The following ST18 variants were observed in gnomAD, a reference collection of about 807,000 sequenced individuals.
ST18 encodes ST18 C2H2C-type zinc finger transcription factor.
A neutral mutation model predicts 110.0 loss-of-function variants in ST18; 50 were observed. That is an observed-to-expected ratio of 0.45 (90% confidence interval 0.36 to 0.58). The LOEUF is 0.58. Ranked by LOEUF, ST18 falls within the 20% of genes least tolerant of loss-of-function variation. ST18 has a pLI of 0.00. For missense variants in ST18, 1,306 were observed against 1,280.1 expected (o/e 1.02, Z -0.31); for synonymous variants, 461 against 452.4 (o/e 1.02, Z -0.24).
At chr8:52,223,519 C>A (rs2087816209) in intron 3 of ST18, among the ~76,000 whole-genome samples, 1 of 151,984 alleles carries the variant, frequency 6.6e-6, no homozygotes, top group South Asian at 2.1e-4. Context: ...TGGTATGTGC[C>A]TGTAATCCCA....
At position 52,385,374 on chromosome 8, in the gene ST18, C is replaced by T. The variant is rs6987412; in HGVS notation, c.-465+23954G>A. On this transcript the variant is annotated intron_variant, in intron 2 of 25. Coordinates refer to ENST00000689386, the MANE Select transcript of ST18 (RefSeq NM_001352837.2). ...CAGCACTTTGGGAGGCCAAGGCAGGCGGATCACCTGAGGTCAGAAGTTCAA... is the reference window on the plus strand; with the variant it reads ...CAGCACTTTGGGAGGCCAAGGCAGGTGGATCACCTGAGGTCAGAAGTTCAA... Among the ~76,000 whole-genome samples, 1,158 of 152,186 alleles carry T rather than the reference C, an allele frequency of 7.6e-3. 16 individuals carry two copies. Among genetic ancestry groups the T allele is most frequent in the African/African-American group, 0.026 (1,092 of 41,542 alleles).
intron 2 of ST18, among the ~76,000 whole-genome samples, chr8:52,400,934 T>C (rs1842656317): frequency 6.6e-6 from 1 of 152,120 alleles, no homozygotes; most frequent in Non-Finnish European, 1.5e-5. Flanking sequence ...TTGTCATATG[T>C]TTTCATGATA....
At chr8:52,335,792 G>A (rs1811747209) in intron 2 of ST18, among the ~76,000 whole-genome samples, 1 of 152,022 alleles carries the variant, frequency 6.6e-6, no homozygotes. Context: ...CTCCTGATTG[G>A]ATATCCTCTC....
At chr8:52,194,571 T>C (rs1466276692) in intron 8 of ST18, 4 of 152,218 alleles carry the variant, frequency 2.6e-5, no homozygotes, top group South Asian at 2.1e-4. Context: ...GGTGAAAGCA[T>C]GCGTCTTGCA....
chr8:52,367,421 C>T (rs896587988), intron 2 of ST18, among the ~76,000 whole-genome samples: 17 of 151,344 alleles, frequency 1.1e-4, no homozygotes, highest in Admixed American at 1.3e-4. Context: ...GACTTTGTCT[C>T]GAAAAAATAA....
intron 23 of ST18, among the ~76,000 whole-genome samples, chr8:52,120,063 A>T (rs2044090377): frequency 6.6e-6 from 1 of 152,188 alleles, no homozygotes; most frequent in South Asian, 2.1e-4. Flanking sequence ...AGTATCTGGG[A>T]CTCAGGATTC....
intron 2 of ST18, among the ~76,000 whole-genome samples, chr8:52,387,972 C>A (rs1258075941): frequency 6.6e-6 from 1 of 151,174 alleles, no homozygotes; most frequent in East Asian, 2.0e-4. Flanking sequence ...CCGCCCCACG[C>A]CGGGCACTAT....
intron 2 of ST18, among the ~76,000 whole-genome samples, chr8:52,353,425 T>C (rs572228872): frequency 1.3e-5 from 2 of 152,320 alleles, no homozygotes; most frequent in African/African-American, 4.8e-5. Flanking sequence ...GCACAACAAA[T>C]AATGGTACTA....
chr8:52,268,231 A>G (rs764981048), intron 2 of ST18, among the ~76,000 whole-genome samples: 9 of 152,196 alleles, frequency 5.9e-5, no homozygotes, highest in Non-Finnish European at 2.9e-5. Flanking sequence ...TCTCCTATTC[A>G]AAGAGTTGTC....
chr8:52,195,594 A>T (rs1588185193), intron 8 of ST18, among the ~76,000 whole-genome samples: 1 of 152,198 alleles, frequency 6.6e-6, no homozygotes, highest in African/African-American at 2.4e-5. Flanking sequence ...TCTTAAAAAA[A>T]CTTTTAAAGA....
At chr8:52,173,192 T>C (rs1477740637) in intron 9 of ST18, among the ~76,000 whole-genome samples, 3 of 152,204 alleles carry the variant, frequency 2.0e-5, no homozygotes, top group Non-Finnish European at 4.4e-5. Flanking sequence ...ACCTTTGTAA[T>C]TGTCACCCTA....
At chr8:52,151,449 G>C (rs2058784654) in intron 15 of ST18, among the ~76,000 whole-genome samples, 1 of 152,174 alleles carries the variant, frequency 6.6e-6, no homozygotes, top group South Asian at 2.1e-4. Context: ...AATCTCTCGT[G>C]ATAGTTTTAA....
intron 2 of ST18, among the ~76,000 whole-genome samples, chr8:52,257,514 T>C (rs994549104): frequency 2.6e-5 from 4 of 152,194 alleles, no homozygotes; most frequent in African/African-American, 9.7e-5. Flanking sequence ...TGGTTTTGAT[T>C]AGCATTTCCC....
chr8:52,403,671 C>T (rs1235605903), intron 2 of ST18: 3 of 152,150 alleles, frequency 2.0e-5, no homozygotes, highest in Non-Finnish European at 4.4e-5. Flanking sequence ...TGTACTCCCG[C>T]ACTCTTCTTC....
intron 5 of ST18, among the ~76,000 whole-genome samples, chr8:52,218,344 C>T (rs1472017710): frequency 6.6e-6 from 1 of 151,112 alleles, no homozygotes; most frequent in African/African-American, 2.4e-5. Flanking sequence ...GTAAAATTGT[C>T]TAGTTAGATA....
intron 21 of ST18, 143 bp downstream of exon 21, chr8:52,132,914 C>T (rs1174772893): frequency 1.1e-6 from 1 of 909,202 alleles, no homozygotes. Flanking sequence ...TCTCAAACCA[C>T]CAAATAGTTT....
At chr8:52,224,258 C>T (rs1374355349) in intron 3 of ST18, among the ~76,000 whole-genome samples, 3 of 152,102 alleles carry the variant, frequency 2.0e-5, no homozygotes, top group East Asian at 3.8e-4. Flanking sequence ...CTAATGAAAA[C>T]TTAAACCCTT....
chr8:52,374,667 C>G (rs150833470), intron 2 of ST18, among the ~76,000 whole-genome samples: 1 of 152,152 alleles, frequency 6.6e-6, no homozygotes, highest in Non-Finnish European at 1.5e-5. Flanking sequence ...TAGCTCTTTC[C>G]CCAATGCTCT....
intron 2 of ST18, among the ~76,000 whole-genome samples, chr8:52,373,210 G>A (rs1590367609): frequency 1.3e-5 from 2 of 152,164 alleles, no homozygotes; most frequent in South Asian, 4.1e-4. Flanking sequence ...CTGGGAGACA[G>A]AAGGTGGCAT....
Sources: gnomAD v4.1 joint callset for allele counts (sites outside exome capture counted in the v4.1 genomes callset) on GRCh38, gnomAD v4.1.1 for gene constraint, MANE v1.5 for transcripts, NCBI Gene and HGNC (gene_info 2026-07-23, HGNC 2026-07-21) for gene names.